The following QSOX1 variants were observed in gnomAD, a reference collection of about 807,000 sequenced individuals.
The protein encoded by QSOX1 is quiescin sulfhydryl oxidase 1.
A neutral mutation model predicts 76.1 loss-of-function variants in QSOX1; 40 were observed. That is an observed-to-expected ratio of 0.53 (90% CI 0.41 to 0.68). The LOEUF (loss-of-function observed/expected upper bound fraction) is 0.68, where lower values mean the gene tolerates loss of function less well. QSOX1 is among the 30% of genes least tolerant of loss of function. QSOX1 has a pLI of 0.00. For synonymous variants in QSOX1, 392 were observed against 413.1 expected (o/e 0.95, Z 0.62); for missense variants, 931 against 974.3 (o/e 0.96, Z 0.59).
intron 6 of QSOX1, among the ~76,000 whole-genome samples, 199 bp downstream of exon 6, chr1:180,182,518 C>G (rs1282417977): frequency 1.3e-5 from 2 of 152,180 alleles, no homozygotes; most frequent in Admixed American, 1.3e-4. Context: ...TAACCCTGTT[C>G]CGCAGCTCAG....
chr1:180,157,042 C>G (rs776314068), intron 1 of QSOX1, among the ~76,000 whole-genome samples: 1 of 152,224 alleles, frequency 6.6e-6, no homozygotes, highest in Non-Finnish European at 1.5e-5. Flanking sequence ...TGTCTAGATA[C>G]TGACCCATTC....
Position 180,196,775 on chromosome 1 carries a change from G to A in QSOX1, c.1982G>A (p.Arg661His), listed in dbSNP as rs563293523. The change falls in exon 12 of 12, where the codon CGC becomes CAC. Residue 661 changes from arginine to histidine, a missense_variant. Coordinates refer to ENST00000367602, the MANE Select transcript of QSOX1 (RefSeq NM_002826.5). The surrounding 1 kb of genome is among the most constrained non-coding windows in gnomAD (Gnocchi z 4.1). The stretch of plus-strand genomic sequence containing the variant: ...GCTGAGTCCAGGGCTGAGAAGAACC[G>A]CCTCTGGGGCCCTTTGGAGGTCAGG... The part of the protein sequence containing the change: ...LLAESRAEKN[R>H]LWGPLEVRRV... 5.6e-6 allele frequency: 9 copies of A among 1,614,152 alleles called. No homozygotes were observed. In the African/African-American group the frequency reaches 6.7e-5, roughly 12 times the overall value.
intron 4 of QSOX1, 44 bp from the exon 5 acceptor site, chr1:180,178,750 T>C: frequency 6.4e-7 from 1 of 1,573,420 alleles, no homozygotes; most frequent in Non-Finnish European, 8.7e-7. Context: ...TTTGTCTTAT[T>C]TCTGCTGGCT....
At chr1:180,190,132 CAGAGG>C in intron 9 of QSOX1, among the ~76,000 whole-genome samples, 4 of 152,348 alleles carry the variant, frequency 2.6e-5, no homozygotes, top group African/African-American at 9.6e-5. Flanking sequence ...CTGCAGCCAG[CAGAGG>C]TGTAAAACCC....
In QSOX1 at chr1:180,198,540, G is replaced by T. The variant is rs1572058768; in HGVS notation, c.*1503G>T. The T allele has an allele frequency of 2.6e-6, 1 of 390,248 alleles. No homozygotes were observed. Among genetic ancestry groups the T allele is most frequent in the East Asian group, 7.4e-5 (1 of 13,598 alleles). The allele number at this position is 390,248 out of a possible 1,614,324, so 24.2% of individuals were successfully genotyped here. On this transcript the variant is annotated 3_prime_UTR_variant, in exon 12 of 12. Coordinates refer to ENST00000367602, the MANE Select transcript of QSOX1 (RefSeq NM_002826.5). ...TTTGACATCTTCACTCTGCTCAGATGGCCTGGGTGCTATGTGGAGCAGGTG... is the reference window on the plus strand; with the variant it reads ...TTTGACATCTTCACTCTGCTCAGATTGCCTGGGTGCTATGTGGAGCAGGTG...
chr1:180,156,303 C>G (rs534222392), intron 1 of QSOX1, among the ~76,000 whole-genome samples: 64 of 152,158 alleles, frequency 4.2e-4, no homozygotes, highest in Non-Finnish European at 8.5e-4. Context: ...GACTTGCTGC[C>G]TCTGAATGGA....
At chr1:180,184,111 C>T (rs1168493151) in intron 7 of QSOX1, 61 bp downstream of exon 7, 2 of 1,569,428 alleles carry the variant, frequency 1.3e-6, no homozygotes, top group Non-Finnish European at 1.7e-6. Flanking sequence ...ACCACCACAC[C>T]TTCACACCCA....
rs898581768 is a variant in QSOX1, at chr1:180,186,055, C to T, written c.890C>T (p.Ser297Phe). Residue 297 changes from serine to phenylalanine, a missense_variant and splice_region_variant, in exon 8 of 12, where the codon TCC becomes TTC. Physicochemically the swap from Ser to Phe is radical, Grantham distance 155 (BLOSUM62 -2). Transcript: ENST00000367602. The part of the protein sequence containing the change: ...APTVWKLADR[S>F]KIYMADLESA... ...TCTATCTCCCTCTGGGTCCTCAGCT[C>T]CAAGATCTACATGGCTGACCTGGAA... 1.9e-6 allele frequency: 3 copies of T among 1,614,104 alleles called. No homozygotes were observed. The highest frequency in any genetic ancestry group is 2.5e-6 in the Non-Finnish European group (3 of 1,179,946).
rs369244005 is a variant in QSOX1 at position 180,194,243 on chromosome 1, G to A, written c.1319G>A (p.Arg440Gln). 20 of 1,613,040 alleles carry A rather than the reference G, an allele frequency of 1.2e-5. No individual in the cohort carries two copies. The highest frequency in any genetic ancestry group is 6.7e-5 in the East Asian group (3 of 44,856). ...AKAKEVLPAI[R>Q]GYVHYFFGCR... ...GCCAAGGAGGTCCTCCCAGCCATCC[G>A]AGGCTACGTGCACTACTTCTTCGGC... Residue 440 changes from arginine (R) to glutamine (Q), a missense_variant, in exon 11 of 12, where the codon CGA becomes CAA. Physicochemically the swap from Arg to Gln is conservative, Grantham distance 43 (BLOSUM62 1). Coordinates refer to ENST00000367602, the MANE Select transcript of QSOX1 (RefSeq NM_002826.5).
At chr1:180,155,880 G>C (rs1179886203) in intron 1 of QSOX1, among the ~76,000 whole-genome samples, 3 of 152,150 alleles carry the variant, frequency 2.0e-5, no homozygotes, top group African/African-American at 7.2e-5. Flanking sequence ...GGCCTTTGGT[G>C]CGTGTTTGGC....
rs373890656 is a variant in QSOX1 at position 180,184,061 on chromosome 1, G to T, written c.887+11G>T. Reference sequence around the variant, plus strand: ...GAAATTGGCAGATCGGTAAGGCTACGCCTGGTTCTCCTCACTTCTTCTCCT... The same window carrying T: ...GAAATTGGCAGATCGGTAAGGCTACTCCTGGTTCTCCTCACTTCTTCTCCT... On this transcript the variant is annotated intron_variant, in intron 7 of 11. Coordinates refer to ENST00000367602, the MANE Select transcript of QSOX1 (RefSeq NM_002826.5). 8.7e-6 allele frequency: 14 copies of T among 1,613,664 alleles called. No homozygotes were observed. The highest frequency in any genetic ancestry group is 6.7e-5 in the East Asian group (3 of 44,886).
rs376172259 is a variant in QSOX1 at position 180,190,413 on chromosome 1, C to T, written c.1141-20C>T. ...CCTTTTCCTTCTCCATATGTGCACT[C>T]ACACTCATGTGTCCCTCAGGGTGCC... is the stretch of plus-strand genomic sequence containing the variant. On this transcript the variant is annotated intron_variant, in intron 9 of 11. Coordinates refer to ENST00000367602, the MANE Select transcript of QSOX1 (RefSeq NM_002826.5). 2.3e-5 allele frequency: 37 copies of T among 1,608,286 alleles called. No individual in the cohort carries two copies. In the African/African-American group the frequency reaches 3.6e-4, roughly 16 times the overall value.
chr1:180,183,030 G>A (rs779605317), intron 6 of QSOX1, among the ~76,000 whole-genome samples: 3 of 152,214 alleles, frequency 2.0e-5, no homozygotes, highest in Admixed American at 6.5e-5. Flanking sequence ...GGCCCAGGAG[G>A]TGCGATGCCA....
At chr1:180,157,278 G>A (rs1481076600) in intron 1 of QSOX1, among the ~76,000 whole-genome samples, 5 of 152,326 alleles carry the variant, frequency 3.3e-5, no homozygotes, top group African/African-American at 1.2e-4. Context: ...ATCGTGTTGG[G>A]AGGGCACTGG....
rs756828266 is a variant in QSOX1, at chr1:180,184,061, GC to G, written c.887+13del. ...GAAATTGGCAGATCGGTAAGGCTAC[GC>G]CTGGTTCTCCTCACTTCTTCTCCTT... On this transcript the variant is annotated intron_variant, in intron 7 of 11. Coordinates refer to ENST00000367602, the MANE Select transcript of QSOX1 (RefSeq NM_002826.5). 2 of 1,613,782 alleles carry G rather than the reference GC, an allele frequency of 1.2e-6. No homozygotes were observed. The highest frequency in any genetic ancestry group is 2.2e-5 in the South Asian group (2 of 91,032).
chr1:180,190,644 G>T, intron 10 of QSOX1, 64 bp downstream of exon 10: 1 of 1,493,390 alleles, frequency 6.7e-7, no homozygotes, highest in Non-Finnish European at 9.0e-7. Flanking sequence ...CCTCCAAGGG[G>T]AGAGGGGGCA....
intron 1 of QSOX1, among the ~76,000 whole-genome samples, chr1:180,158,359 G>A (rs1477915015): frequency 6.6e-6 from 1 of 152,228 alleles, no homozygotes; most frequent in Non-Finnish European, 1.5e-5. Context: ...TCTGCTATGT[G>A]TACCTGTGAT....
At chr1:180,184,430 C>A (rs1175329787) in intron 7 of QSOX1, among the ~76,000 whole-genome samples, 1 of 152,214 alleles carries the variant, frequency 6.6e-6, no homozygotes, top group African/African-American at 2.4e-5. Flanking sequence ...TGAGTACTCA[C>A]TATGTGCTAG....
chr1:180,193,601 T>C (rs901528224), intron 10 of QSOX1, among the ~76,000 whole-genome samples: 2 of 141,972 alleles, frequency 1.4e-5, no homozygotes, highest in African/African-American at 5.3e-5. Flanking sequence ...GGATTAGGAG[T>C]GGTGTCCTCA....
Sources: allele counts gnomAD v4.1 joint callset (sites outside exome capture counted in the v4.1 genomes callset), GRCh38; gene constraint gnomAD v4.1.1; non-coding constraint Gnocchi (gnomAD v3.1); transcripts MANE v1.5; gene names NCBI Gene and HGNC (gene_info 2026-07-23, HGNC 2026-07-21).